The following SDC2 variants were observed in gnomAD, a reference collection of about 807,000 sequenced individuals.
SDC2 encodes syndecan 2, also known as syndecan-2.
Under a neutral mutation model 22.2 loss-of-function variants are expected in SDC2, and 13 were observed. The ratio of observed to expected loss-of-function variants is 0.59; its 90% CI spans 0.38 to 0.93. SDC2 has a LOEUF of 0.93. SDC2 is among the 40% of genes least tolerant of loss of function. SDC2 has a pLI of 0.00. For missense variants in SDC2, 235 were observed against 246.8 expected (o/e 0.95, Z 0.32); for synonymous variants, 94 against 92.8 (o/e 1.01, Z -0.07).
At chr8:96,547,227 G>A (rs540663053) in intron 1 of SDC2, among the ~76,000 whole-genome samples, 2 of 152,258 alleles carry the variant, frequency 1.3e-5, no homozygotes, top group South Asian at 2.1e-4. Flanking sequence ...AGTTGACAAC[G>A]TTTTGGTCAT....
At chr8:96,520,463 C>T (rs1418851735) in intron 1 of SDC2, among the ~76,000 whole-genome samples, 2 of 152,316 alleles carry the variant, frequency 1.3e-5, no homozygotes, top group East Asian at 1.9e-4. Context: ...AATTCATTTA[C>T]AGGGAGTCTT....
At chr8:96,534,633 C>G (rs547724397) in intron 1 of SDC2, among the ~76,000 whole-genome samples, 1 of 151,928 alleles carries the variant, frequency 6.6e-6, no homozygotes, top group Non-Finnish European at 1.5e-5. Context: ...GACGAGGGCT[C>G]GTCATGTTGC....
At chr8:96,513,146 A>G (rs1371986676) in intron 1 of SDC2, among the ~76,000 whole-genome samples, 2 of 152,256 alleles carry the variant, frequency 1.3e-5, no homozygotes, top group African/African-American at 4.8e-5. Context: ...ACAGTCTTAC[A>G]TGATAGAAAA....
At chr8:96,593,723 C>T (rs1275063908) in intron 2 of SDC2, 132 bp downstream of exon 2, 1 of 607,504 alleles carries the variant, frequency 1.6e-6, no homozygotes, top group African/African-American at 1.8e-5. Flanking sequence ...ATCAAAGGGC[C>T]TGGGTGCTAA....
chr8:96,506,321 A>G (rs1044647295), intron 1 of SDC2, among the ~76,000 whole-genome samples: 31 of 152,208 alleles, frequency 2.0e-4, no homozygotes, highest in African/African-American at 7.0e-4. Context: ...TTATATTTCA[A>G]CCAGTCTTGA....
Position 96,610,752 on chromosome 8 carries a change from G to T in SDC2, c.*1204G>T, listed in dbSNP as rs879030166. ...GGGTTTGATTTCTAAGTGTTTCACA[G>T]TGTCTGTAAATCAAGACCAAAGAGC... On this transcript the variant is annotated 3_prime_UTR_variant, in exon 5 of 5. Coordinates refer to ENST00000302190, the MANE Select transcript of SDC2 (RefSeq NM_002998.4). 2 of 152,616 alleles carry T rather than the reference G, an allele frequency of 1.3e-5. No individual in the cohort carries two copies. Among genetic ancestry groups the T allele is most frequent in the African/African-American group, 4.8e-5 (2 of 41,446 alleles). The allele number at this position is 152,616 out of a possible 1,614,324, so 9.5% of individuals were successfully genotyped here.
At chr8:96,511,298 G>C (rs1360318115) in intron 1 of SDC2, among the ~76,000 whole-genome samples, 1 of 152,172 alleles carries the variant, frequency 6.6e-6, no homozygotes, top group African/African-American at 2.4e-5. Flanking sequence ...AGGATTAGAG[G>C]CTGCTGCTCT....
chr8:96,503,629 C>T (rs13276990), intron 1 of SDC2, among the ~76,000 whole-genome samples: 33,582 of 151,994 alleles, frequency 0.22, 3,859 homozygotes, highest in Non-Finnish European at 0.27. Flanking sequence ...GTGATGTTTA[C>T]TGTAGTTTTA....
intron 1 of SDC2, among the ~76,000 whole-genome samples, chr8:96,513,943 A>G (rs1289706464): frequency 6.6e-6 from 1 of 152,192 alleles, no homozygotes; most frequent in East Asian, 1.9e-4. Flanking sequence ...TGACCTTTAT[A>G]GCTTCCTTCT....
chr8:96,535,221 C>G (rs143901778), intron 1 of SDC2, among the ~76,000 whole-genome samples: 8 of 152,112 alleles, frequency 5.3e-5, no homozygotes, highest in South Asian at 2.1e-4. Flanking sequence ...GTTGGCCAGG[C>G]TGGTCTTAGA....
intron 1 of SDC2, among the ~76,000 whole-genome samples, chr8:96,500,528 G>A (rs964405510): frequency 3.3e-5 from 5 of 151,886 alleles, no homozygotes; most frequent in Non-Finnish European, 5.9e-5. Flanking sequence ...CGGGCGTGGT[G>A]ATGGGCACCT....
intron 1 of SDC2, among the ~76,000 whole-genome samples, chr8:96,580,928 A>T (rs1187145330): frequency 6.6e-6 from 1 of 152,170 alleles, no homozygotes; most frequent in Non-Finnish European, 1.5e-5. Flanking sequence ...CTGGGTGCCA[A>T]ATCCCACAGG....
chr8:96,541,158 C>T (rs2582838), intron 1 of SDC2, among the ~76,000 whole-genome samples: 87,029 of 151,894 alleles, frequency 0.57, 26,613 homozygotes, highest in Non-Finnish European at 0.7. Context: ...AGACTGGGCA[C>T]GGTGGCTCAC....
chr8:96,570,714 A>C (rs577097926), intron 1 of SDC2, among the ~76,000 whole-genome samples: 31 of 152,352 alleles, frequency 2.0e-4, no homozygotes, highest in African/African-American at 7.2e-4. Flanking sequence ...GTATGAAAAA[A>C]ATATATAAAA....
In SDC2 at chr8:96,587,448, C is replaced by T. The variant is rs531183623; in HGVS notation, c.61-6032C>T. ...GTATGTGCTTATAAGTCAGCCATAT[C>T]TAACATATTCAAGGGCAAGATCATC... On this transcript the variant is annotated intron_variant, in intron 1 of 4. Transcript: ENST00000302190. Among the ~76,000 whole-genome samples, 83 of 152,314 alleles carry T rather than the reference C, an allele frequency of 5.4e-4. 1 individual carries two copies. Among genetic ancestry groups the T allele is most frequent in the Non-Finnish European group, 1.0e-3 (70 of 68,040 alleles).
At chr8:96,562,189 G>A (rs1305519999) in intron 1 of SDC2, among the ~76,000 whole-genome samples, 1 of 152,164 alleles carries the variant, frequency 6.6e-6, no homozygotes, top group East Asian at 1.9e-4. Context: ...TAAGATCTAT[G>A]TCTAGATTCA....
Position 96,593,496 on chromosome 8 carries a change from C to T in SDC2, c.77C>T (p.Ser26Phe), listed in dbSNP as rs1814819679. The change falls in exon 2 of 5, where the codon TCT becomes TTT. Residue 26 changes from serine (S) to phenylalanine (F), a missense_variant. By Grantham distance (155) the Ser-to-Phe change is radical. Transcript: ENST00000302190. ...VSAESRAELTSDKDMYLDNSS... is the reference protein window; with the variant it reads ...VSAESRAELTFDKDMYLDNSS... ...CTTTCTCAGAGAGCAGAGCTGACATCTGATAAAGACATGTACCTTGACAAC... is the reference window on the plus strand; with the variant it reads ...CTTTCTCAGAGAGCAGAGCTGACATTTGATAAAGACATGTACCTTGACAAC... 6.2e-7 allele frequency: 1 copy of T among 1,612,832 alleles called. No homozygotes were observed. Among genetic ancestry groups the T allele is most frequent in the South Asian group, 1.1e-5 (1 of 91,054 alleles).
intron 1 of SDC2, among the ~76,000 whole-genome samples, chr8:96,575,138 C>A (rs954174495): frequency 6.6e-6 from 1 of 152,124 alleles, no homozygotes; most frequent in African/African-American, 2.4e-5. Context: ...GGTCTGTGGC[C>A]TGGGGGTTGG....
In SDC2 at chr8:96,514,490, G is replaced by C. The variant is rs575418201; in HGVS notation, c.60+20159G>C. ...GACAGGGACACTCATGCTGGACCTT[G>C]ATCACCCATGACCCATGTGTCATAG... is the stretch of plus-strand genomic sequence containing the variant. On this transcript the variant is annotated intron_variant, in intron 1 of 4. Transcript: ENST00000302190. Among the ~76,000 whole-genome samples, 47 of 152,262 alleles carry C rather than the reference G, an allele frequency of 3.1e-4. 1 individual carries two copies. Among genetic ancestry groups the C allele is most frequent in the Admixed American group, 9.8e-4 (15 of 15,300 alleles).
Sources: allele counts gnomAD v4.1 joint callset (sites outside exome capture counted in the v4.1 genomes callset), GRCh38; gene constraint gnomAD v4.1.1; transcripts MANE v1.5; gene names NCBI Gene and HGNC (gene_info 2026-07-23, HGNC 2026-07-21).